Variants in FGGY observed in about 807,000 individuals in gnomAD.
The protein encoded by FGGY is FGGY carbohydrate kinase domain-containing protein.
FGGY carries 72 observed loss-of-function variants against 71.3 expected under a neutral mutation model. The observed-to-expected ratio is 1.01, with a 90% CI of 0.84 to 1.23. FGGY has a LOEUF of 1.23. FGGY is among the 50% of genes most tolerant of loss of function. The pLI is 0.00. For synonymous variants in FGGY, 251 were observed against 250.3 expected (o/e 1.00, Z -0.02); for missense variants, 668 against 682.3 (o/e 0.98, Z 0.23).
chr1:59,670,186 C>T (rs2097365211), intron 13 of FGGY, among the ~76,000 whole-genome samples: 1 of 152,180 alleles, frequency 6.6e-6, no homozygotes, highest in Non-Finnish European at 1.5e-5. Context: ...CTCATTAATG[C>T]ATCAGATAAA....
chr1:59,686,188 TG>T (rs1267956802), intron 14 of FGGY, among the ~76,000 whole-genome samples: 2 of 152,146 alleles, frequency 1.3e-5, no homozygotes, highest in Non-Finnish European at 2.9e-5. Context: ...ATACCCAGTT[TG>T]GTAGAGAGAT....
At chr1:59,393,737 T>TTAAGCTCTGA (rs2060979270) in intron 5 of FGGY, among the ~76,000 whole-genome samples, 1 of 152,194 alleles carries the variant, frequency 6.6e-6, no homozygotes, top group Non-Finnish European at 1.5e-5. Context: ...TTGTTGGCTG[T>TTAAGCTCTGA]TAAGCTCTGA....
intron 5 of FGGY, among the ~76,000 whole-genome samples, chr1:59,450,474 T>C (rs1353444315): frequency 1.3e-5 from 2 of 152,180 alleles, no homozygotes; most frequent in South Asian, 2.1e-4. Flanking sequence ...CTTTAACCCA[T>C]GTAGTTTCTG....
chr1:59,446,681 GC>G (rs2071330249), intron 5 of FGGY, among the ~76,000 whole-genome samples: 2 of 152,266 alleles, frequency 1.3e-5, no homozygotes, highest in South Asian at 4.1e-4. Context: ...GCCATCAGAG[GC>G]CTGTGATGTA....
At chr1:59,727,869 C>G (rs933042878) in intron 14 of FGGY, among the ~76,000 whole-genome samples, 1 of 152,126 alleles carries the variant, frequency 6.6e-6, no homozygotes, top group Non-Finnish European at 1.5e-5. Context: ...AATGTAACTA[C>G]TACAACTTTA....
chr1:59,597,889 T>C (rs1207625089), intron 8 of FGGY, among the ~76,000 whole-genome samples: 1 of 152,230 alleles, frequency 6.6e-6, no homozygotes, highest in Non-Finnish European at 1.5e-5. Context: ...TAATTAGTAC[T>C]ATGCTCACTC....
chr1:59,762,155 G>A (rs139898141), intron 15 of FGGY, among the ~76,000 whole-genome samples: 95 of 149,760 alleles, frequency 6.3e-4, no homozygotes, highest in African/African-American at 2.3e-3. Flanking sequence ...AGTGAACGGG[G>A]GACGGTTCAC....
At chr1:59,469,169 T>G (rs896245295) in intron 6 of FGGY, among the ~76,000 whole-genome samples, 3 of 152,204 alleles carry the variant, frequency 2.0e-5, no homozygotes, top group Non-Finnish European at 2.9e-5. Context: ...ATTCATGAAC[T>G]CAGAGCCCAC....
intron 5 of FGGY, among the ~76,000 whole-genome samples, chr1:59,389,651 G>A (rs2060473762): frequency 6.6e-6 from 1 of 152,100 alleles, no homozygotes; most frequent in Admixed American, 6.6e-5. Flanking sequence ...AGCTTGGTGA[G>A]GAACCACCAG....
At chr1:59,707,057 A>G (rs2097761986) in intron 14 of FGGY, among the ~76,000 whole-genome samples, 1 of 152,172 alleles carries the variant, frequency 6.6e-6, no homozygotes, top group South Asian at 2.1e-4. Flanking sequence ...AAGCAAATCT[A>G]AGGAAGGGAA....
intron 8 of FGGY, among the ~76,000 whole-genome samples, chr1:59,601,885 A>T (rs565218424): frequency 2.4e-4 from 36 of 152,302 alleles, no homozygotes; most frequent in South Asian, 4.1e-4. Context: ...TGACAGAAAA[A>T]CCCACAATAA....
At chr1:59,460,956 T>G (rs1278431416) in intron 6 of FGGY, among the ~76,000 whole-genome samples, 5 of 152,094 alleles carry the variant, frequency 3.3e-5, no homozygotes, top group Non-Finnish European at 7.4e-5. Context: ...ACTATAAAGA[T>G]GGAGAGAAAC....
intron 9 of FGGY, among the ~76,000 whole-genome samples, chr1:59,611,827 A>G (rs1410539343): frequency 2.0e-5 from 3 of 152,242 alleles, no homozygotes; most frequent in African/African-American, 7.2e-5. Flanking sequence ...GCTGAAAACC[A>G]TGGCACGAGA....
intron 14 of FGGY, among the ~76,000 whole-genome samples, chr1:59,737,021 T>G (rs1054762225): frequency 3.3e-5 from 5 of 152,238 alleles, no homozygotes; most frequent in African/African-American, 1.2e-4. Flanking sequence ...GCTCCAGCCA[T>G]GGCTGAAAGG....
At chr1:59,628,659 A>G (rs35672063) in intron 10 of FGGY, among the ~76,000 whole-genome samples, 15,219 of 152,262 alleles carry the variant, frequency 0.1, 876 homozygotes, top group South Asian at 0.29. Context: ...CTAAAAAATA[A>G]TGAATGGATT....
chr1:59,512,289 G>T, intron 6 of FGGY, 22 bp from the exon 7 acceptor site: 1 of 1,577,158 alleles, frequency 6.3e-7, no homozygotes, highest in South Asian at 1.2e-5. Context: ...GATGGTGTTT[G>T]TTTTTTCTCA....
chr1:59,379,652 A>G (rs1311031836), intron 5 of FGGY, among the ~76,000 whole-genome samples: 3 of 152,172 alleles, frequency 2.0e-5, no homozygotes, highest in Admixed American at 6.5e-5. Context: ...AATTTGTTTA[A>G]TAATTATCCT....
chr1:59,702,024 C>T (rs984276179), intron 14 of FGGY, among the ~76,000 whole-genome samples: 1 of 152,116 alleles, frequency 6.6e-6, no homozygotes, highest in Non-Finnish European at 1.5e-5. Flanking sequence ...GCATGACTTA[C>T]AGTCATGGTG....
At chr1:59,479,433 G>C (rs1352768191) in intron 6 of FGGY, among the ~76,000 whole-genome samples, 1 of 152,194 alleles carries the variant, frequency 6.6e-6, no homozygotes, top group Non-Finnish European at 1.5e-5. Flanking sequence ...ATGGGTTGCT[G>C]ATACCCAGAG....
Sources: allele counts gnomAD v4.1 joint callset (sites outside exome capture counted in the v4.1 genomes callset), GRCh38; gene constraint gnomAD v4.1.1; transcripts MANE v1.5; gene names NCBI Gene and HGNC (gene_info 2026-07-23, HGNC 2026-07-21).